MTTP: variants seen among roughly 807,000 people sequenced by gnomAD.
MTTP encodes the protein microsomal triglyceride transfer protein large subunit.
In MTTP, 49 loss-of-function variants were observed where a neutral mutation model predicts 90.6. That is an observed-to-expected ratio of 0.54 (90% CI 0.43 to 0.69). The LOEUF (loss-of-function observed/expected upper bound fraction) is 0.69. Ranked by LOEUF, MTTP falls within the 30% of genes least tolerant of loss-of-function variation. The probability of loss-of-function intolerance (pLI) is 0.00; values close to 1 mark genes in which losing one functional copy is unlikely to be tolerated. For synonymous variants in MTTP, 347 were observed against 384.2 expected, an observed-to-expected ratio of 0.90 and a Z score of 1.13; for missense variants, 945 against 1,067.5, an observed-to-expected ratio of 0.89 and a Z score of 1.60.
intron 3 of MTTP, among the ~76,000 whole-genome samples, chr4:99,589,036 C>T (rs765251423): frequency 0.04 from 55 of 1,378 alleles, 14 homozygotes; most frequent in Non-Finnish European, 0.057. Context: ...TATATACACA[C>T]ATATATATGT....
intron 13 of MTTP, 21 bp from the exon 14 acceptor site, chr4:99,611,310 TA>T (rs759216052): frequency 8.0e-5 from 129 of 1,613,898 alleles, no homozygotes; most frequent in Non-Finnish European, 1.0e-4. Context: ...GCTATTAAAT[TA>T]CAGTTATTGT....
intron 1 of MTTP, among the ~76,000 whole-genome samples, chr4:99,578,516 C>G (rs1164440303): frequency 6.6e-6 from 1 of 152,168 alleles, no homozygotes; most frequent in Non-Finnish European, 1.5e-5. Context: ...GGCTTTATCT[C>G]CTGTTGAAAG....
At chr4:99,588,544 G>A (rs925100264) in intron 3 of MTTP, among the ~76,000 whole-genome samples, 1 of 151,776 alleles carries the variant, frequency 6.6e-6, no homozygotes, top group Non-Finnish European at 1.5e-5. Flanking sequence ...ACAAAACTAA[G>A]TGGCTTACTA....
At chr4:99,618,855 A>T (rs1726162243) in intron 15 of MTTP, 119 bp from the exon 16 acceptor site, 1 of 1,351,668 alleles carries the variant, frequency 7.4e-7, no homozygotes, top group Non-Finnish European at 1.0e-6. Context: ...AAAGACTCCA[A>T]CATCAACACA....
At chr4:99,564,349 ATATTATTTTTAATT>A (rs1301379894) in intron 1 of MTTP, 20 of 1,022,518 alleles carry the variant, frequency 2.0e-5, no homozygotes, top group Non-Finnish European at 2.6e-5. Flanking sequence ...TCTCTTGCCT[ATATTATTTTTAATT>A]TATACAGAAA....
In MTTP at chr4:99,597,232, C is replaced by A; in HGVS notation, c.1067+8C>A. The stretch of plus-strand genomic sequence containing the variant: ...GGAAAATAAGGAAGTATTGTAAGTT[C>A]CCCAACCTTTGTGTGGGGTTGTCTG... On this transcript the variant is annotated splice_region_variant and intron_variant, in intron 8 of 17. Transcript: ENST00000265517. The A allele has an allele frequency of 6.2e-7, 1 of 1,612,200 alleles. No individual in the cohort carries two copies. Among genetic ancestry groups the A allele is most frequent in the Non-Finnish European group, 8.5e-7 (1 of 1,179,462 alleles).
upstream of MTTP, among the ~76,000 whole-genome samples, chr4:99,571,817 C>T (rs1724848241): frequency 1.3e-5 from 2 of 151,760 alleles, no homozygotes; most frequent in Admixed American, 1.3e-4. Flanking sequence ...ATGCTAACTC[C>T]CTCATTGATT....
upstream of MTTP, among the ~76,000 whole-genome samples, chr4:99,574,108 G>A (rs961251976): frequency 6.6e-6 from 1 of 152,174 alleles, no homozygotes; most frequent in African/African-American, 2.4e-5. Context: ...CTAGAAATGA[G>A]ATTCAGAAAG....
chr4:99,611,300 G>A (rs570618450), intron 13 of MTTP, 32 bp from the exon 14 acceptor site: 1 of 1,614,004 alleles, frequency 6.2e-7, no homozygotes, highest in African/African-American at 1.3e-5. Context: ...TGCTGGAACT[G>A]CTATTAAATT....
intron 1 of MTTP, among the ~76,000 whole-genome samples, chr4:99,578,390 C>T (rs1373720454): frequency 1.3e-5 from 2 of 152,156 alleles, no homozygotes; most frequent in Admixed American, 6.5e-5. Context: ...ATGGGACATG[C>T]CCCAATGCCC....
intron 3 of MTTP, among the ~76,000 whole-genome samples, chr4:99,588,922 T>C (rs1725329431): frequency 2.4e-5 from 1 of 41,312 alleles, no homozygotes; most frequent in Non-Finnish European, 4.0e-5. Flanking sequence ...TTCATATATA[T>C]ACACACATAT....
intron 3 of MTTP, among the ~76,000 whole-genome samples, chr4:99,587,100 A>G (rs1385746375): frequency 6.6e-6 from 1 of 152,200 alleles, no homozygotes; most frequent in Non-Finnish European, 1.5e-5. Flanking sequence ...AATAAATTTA[A>G]GATTATTGCT....
At chr4:99,577,236 T>G (rs754035649) in intron 1 of MTTP, among the ~76,000 whole-genome samples, 1 of 152,112 alleles carries the variant, frequency 6.6e-6, no homozygotes, top group Admixed American at 6.5e-5. Context: ...GCCTCAAAAC[T>G]CATCTCTAAA....
chr4:99,608,955 C>T lies in MTTP; in HGVS notation c.1747C>T (p.Leu583=), dbSNP rs1725887074. The stretch of plus-strand genomic sequence containing the variant: ...CATGCTCGCCATTGTTCAAGACATC[C>T]TACGTTTTGAAATGCCTGCAAGGTA... The part of the protein sequence containing the change: ...KYMLAIVQDI[L]RFEMPASKIV... Residue 583 remains leucine (L), a synonymous_variant, in exon 12 of 18, where the codon CTA becomes TTA. Transcript: ENST00000265517. 2 of 1,613,862 alleles carry T rather than the reference C, an allele frequency of 1.2e-6. No homozygotes were observed. The highest frequency in any genetic ancestry group is 2.7e-5 in the African/African-American group (2 of 74,902).
chr4:99,622,355 G>T (rs1043117734), intron 17 of MTTP, among the ~76,000 whole-genome samples: 1 of 152,148 alleles, frequency 6.6e-6, no homozygotes, highest in Non-Finnish European at 1.5e-5. Context: ...TGCTCCCAAG[G>T]TGGGGCTTCT....
intron 1 of MTTP, among the ~76,000 whole-genome samples, chr4:99,576,148 G>T (rs531865224): frequency 3.3e-4 from 50 of 152,174 alleles, no homozygotes; most frequent in African/African-American, 1.2e-3. Flanking sequence ...TTGGACAAAA[G>T]AAATTTTTTA....
At chr4:99,580,719 T>A (rs1441919507) in intron 1 of MTTP, among the ~76,000 whole-genome samples, 1 of 152,114 alleles carries the variant, frequency 6.6e-6, no homozygotes, top group Non-Finnish European at 1.5e-5. Context: ...CTCATTAGAT[T>A]TTTGTGAGGA....
intron 8 of MTTP, among the ~76,000 whole-genome samples, chr4:99,599,653 T>C (rs1725648364): frequency 6.6e-6 from 1 of 152,194 alleles, no homozygotes; most frequent in Non-Finnish European, 1.5e-5. Flanking sequence ...AATACTACTT[T>C]GGCTTCATTT....
In MTTP at chr4:99,611,181, A is replaced by G. The variant is rs1462196831; in HGVS notation, c.1808A>G (p.His603Arg). The G allele has an allele frequency of 1.9e-6, 3 of 1,613,932 alleles. No homozygotes were observed. Among genetic ancestry groups the G allele is most frequent in the Non-Finnish European group, 2.5e-6 (3 of 1,179,982 alleles). ...CGAGTTCTGAAGGAAATGGTCGCTC[A>G]CAATTATGACCGTTTCTCCAGGAGT... ...VRRVLKEMVA[H>R]NYDRFSRSGS... The change falls in exon 13 of 18, where the codon CAC (histidine) becomes CGC (arginine). Residue 603 changes from histidine to arginine, a missense_variant. By Grantham distance (29) the His-to-Arg change is conservative. Coordinates refer to ENST00000265517, the MANE Select transcript of MTTP (RefSeq NM_001386140.1).
Sources: gnomAD v4.1 joint callset for allele counts (sites outside exome capture counted in the v4.1 genomes callset) on GRCh38, gnomAD v4.1.1 for gene constraint, MANE v1.5 for transcripts, NCBI Gene and HGNC (gene_info 2026-07-23, HGNC 2026-07-21) for gene names.